The following WASF3 variants were observed in gnomAD, a reference collection of about 807,000 sequenced individuals.
WASF3 encodes the protein actin-binding protein WASF3.
WASF3 carries 11 observed loss-of-function variants against 46.6 expected under a neutral mutation model. That is an observed-to-expected ratio of 0.24 (90% CI 0.15 to 0.39). WASF3 has a LOEUF of 0.39. Ranked by LOEUF, WASF3 falls within the 10% of genes least tolerant of loss-of-function variation. The pLI is 1.00. For missense variants in WASF3, 576 were observed against 669.8 expected (o/e 0.86, Z 1.55); for synonymous variants, 242 against 259.7 (o/e 0.93, Z 0.65).
At chr13:26,657,879 A>G (rs1882513402) in intron 3 of WASF3, among the ~76,000 whole-genome samples, 1 of 152,244 alleles carries the variant, frequency 6.6e-6, no homozygotes, top group Non-Finnish European at 1.5e-5. Context: ...GACACTTGTC[A>G]GCTTTCAGCA....
At chr13:26,582,416 C>T (rs928252235) in intron 1 of WASF3, among the ~76,000 whole-genome samples, 6 of 152,082 alleles carry the variant, frequency 3.9e-5, no homozygotes, top group African/African-American at 1.4e-4. Flanking sequence ...TGGCTCACAC[C>T]TGTAATCCTA....
intron 1 of WASF3, chr13:26,577,136 T>C: frequency 1.3e-6 from 1 of 775,240 alleles, no homozygotes; most frequent in Admixed American, 1.7e-5. Context: ...TTTAGAAAAT[T>C]CAAGCTGATT....
intron 2 of WASF3, among the ~76,000 whole-genome samples, chr13:26,634,713 C>T (rs1429103242): frequency 6.6e-6 from 1 of 152,200 alleles, no homozygotes; most frequent in Non-Finnish European, 1.5e-5. Context: ...ATTTGCTTGT[C>T]TGTGAAGGAT....
Position 26,558,203 on chromosome 13 carries a change from C to T in WASF3, c.-109+384C>T, listed in dbSNP as rs373326397. Among the ~76,000 whole-genome samples, 37 of 152,024 alleles carry T rather than the reference C, an allele frequency of 2.4e-4. No homozygotes were observed. In the East Asian group the frequency reaches 5.1e-3, roughly 21 times the overall value. The stretch of plus-strand genomic sequence containing the variant: ...CGGGCCTCCGCTCGCGCCCCACGCA[C>T]GACGCCCCGGGCCGCTCCGCGTCCG... On this transcript the variant is annotated intron_variant, in intron 1 of 9. Transcript: ENST00000335327.
intron 2 of WASF3, among the ~76,000 whole-genome samples, chr13:26,630,842 G>T (rs1276812094): frequency 6.6e-6 from 1 of 152,136 alleles, no homozygotes; most frequent in African/African-American, 2.4e-5. Flanking sequence ...ACTTTTTAAT[G>T]ATTGCCATTC....
intron 2 of WASF3, chr13:26,638,157 G>A (rs1881887502): frequency 6.6e-6 from 1 of 152,246 alleles, no homozygotes; most frequent in Non-Finnish European, 1.5e-5. Context: ...GCTTTTCTCG[G>A]TTATTTCATC....
intron 2 of WASF3, among the ~76,000 whole-genome samples, chr13:26,620,025 G>A (rs571876686): frequency 2.2e-4 from 33 of 152,180 alleles, no homozygotes; most frequent in Non-Finnish European, 4.3e-4. Flanking sequence ...GGTGGGCAGA[G>A]CACCAGTGGA....
chr13:26,646,320 A>G (rs1882149281), intron 3 of WASF3, among the ~76,000 whole-genome samples: 1 of 152,236 alleles, frequency 6.6e-6, no homozygotes, highest in Admixed American at 6.5e-5. Flanking sequence ...TAAATTTTGT[A>G]ATCATTCATC....
At chr13:26,564,900 G>GTTTTTTTTTTTTTTTTTTTTTTTTTT (rs66809412) in intron 1 of WASF3, among the ~76,000 whole-genome samples, 3 of 81,638 alleles carry the variant, frequency 3.7e-5, no homozygotes, top group East Asian at 4.2e-4. Flanking sequence ...CAAGGTTGTG[G>GTTTTTTTTTTTTTTTTTTTTTTTTTT]TTTTTTTTTT....
At chr13:26,637,344 C>G (rs1268974879) in intron 2 of WASF3, among the ~76,000 whole-genome samples, 2 of 152,118 alleles carry the variant, frequency 1.3e-5, no homozygotes, top group Non-Finnish European at 2.9e-5. Flanking sequence ...CTAGAATTCC[C>G]CATCCCAGTT....
At chr13:26,617,323 G>A (rs1430684459) in intron 2 of WASF3, among the ~76,000 whole-genome samples, 5 of 151,486 alleles carry the variant, frequency 3.3e-5, no homozygotes, top group Admixed American at 2.0e-4. Context: ...TTTTTGTTGC[G>A]TTCACCTTGA....
intron 1 of WASF3, among the ~76,000 whole-genome samples, chr13:26,572,802 C>T (rs1297266435): frequency 6.6e-6 from 1 of 152,176 alleles, no homozygotes; most frequent in African/African-American, 2.4e-5. Flanking sequence ...ATCCGCCTGC[C>T]TCAGCCTCCC....
Position 26,573,935 on chromosome 13 carries a change from T to A in WASF3, c.-109+16116T>A, listed in dbSNP as rs186255533. ...ATTATTATGTAGTTTTGTTTTTAAA[T>A]CTTTCATTCAACAAGTTTTGTTAAA... On this transcript the variant is annotated intron_variant, in intron 1 of 9. Coordinates refer to ENST00000335327, the MANE Select transcript of WASF3 (RefSeq NM_006646.6). Among the ~76,000 whole-genome samples the A allele has an allele frequency of 3.1e-3, 473 of 152,346 alleles. 1 individual carries two copies. The highest frequency in any genetic ancestry group is 4.9e-3 in the Non-Finnish European group (330 of 68,022).
Position 26,640,766 on chromosome 13 carries a change from T to G in WASF3, c.-10-1495T>G, listed in dbSNP as rs887984918. ...ATGCCTAGGATGTTGGAGAAGGCTT[T>G]TCTGAAGTGTTTGGTGATCCTTGAC... On this transcript the variant is annotated intron_variant, in intron 2 of 9. Coordinates refer to ENST00000335327, the MANE Select transcript of WASF3 (RefSeq NM_006646.6). The G allele has an allele frequency of 9.8e-5, 15 of 152,338 alleles. No homozygotes were observed. In the East Asian group the frequency reaches 2.3e-3, roughly 24 times the overall value. The allele number at this position is 152,338 out of a possible 1,614,324, so 9.4% of individuals were successfully genotyped here.
intron 1 of WASF3, chr13:26,577,588 C>A: frequency 3.6e-6 from 4 of 1,124,560 alleles, no homozygotes; most frequent in Non-Finnish European, 5.3e-6. Flanking sequence ...ATGGTGAAGG[C>A]AGTAGTTCTG....
At chr13:26,591,608 A>G (rs1191433704) in intron 1 of WASF3, among the ~76,000 whole-genome samples, 1 of 152,096 alleles carries the variant, frequency 6.6e-6, no homozygotes, top group Non-Finnish European at 1.5e-5. Context: ...CAGGAGTTCA[A>G]TTTTGGGCAT....
chr13:26,622,598 T>A (rs1881340341), intron 2 of WASF3: 1 of 152,186 alleles, frequency 6.6e-6, no homozygotes, highest in Non-Finnish European at 1.5e-5. Flanking sequence ...TGTACTCATA[T>A]GTTCACTCAT....
intron 1 of WASF3, among the ~76,000 whole-genome samples, chr13:26,593,121 TG>T (rs1880353656): frequency 6.6e-6 from 1 of 152,072 alleles, no homozygotes. Flanking sequence ...TGTATGTGGG[TG>T]GGGAGTGGGG....
At chr13:26,559,075 A>T (rs917163217) in intron 1 of WASF3, among the ~76,000 whole-genome samples, 4 of 152,204 alleles carry the variant, frequency 2.6e-5, no homozygotes, top group African/African-American at 9.6e-5. Context: ...CTTTAAAGCT[A>T]GTTCTTTTAT....
Sources: gnomAD v4.1 joint callset for allele counts (sites outside exome capture counted in the v4.1 genomes callset) on GRCh38, gnomAD v4.1.1 for gene constraint, MANE v1.5 for transcripts, NCBI Gene and HGNC (gene_info 2026-07-23, HGNC 2026-07-21) for gene names.